Variants in MAPKBP1 observed in about 807,000 individuals in gnomAD.
MAPKBP1 encodes the protein mitogen-activated protein kinase-binding protein 1.
A neutral mutation model predicts 170.5 loss-of-function variants in MAPKBP1; 71 were observed. That is an observed-to-expected ratio of 0.42 (90% CI 0.34 to 0.51). MAPKBP1 has a LOEUF of 0.51. Ranked by LOEUF, MAPKBP1 falls within the 20% of genes least tolerant of loss-of-function variation. The pLI is 0.06. For synonymous variants in MAPKBP1, 719 were observed against 757.9 expected, an observed-to-expected ratio of 0.95 and a Z score of 0.84; for missense variants, 1,598 against 1,933.0, an observed-to-expected ratio of 0.83 and a Z score of 3.25.
intron 8 of MAPKBP1, 181 bp downstream of exon 8, chr15:41,813,282 C>T (rs1051048374): frequency 6.6e-7 from 1 of 1,525,018 alleles, no homozygotes; most frequent in African/African-American, 1.4e-5. Flanking sequence ...ATAACTGCCT[C>T]CTCTCTGCTC....
In MAPKBP1 at chr15:41,824,569, G is replaced by A; in HGVS notation, c.4299G>A (p.Ser1433=). ...GCCAGGCAGTGCGGCTCTACCACTC[G>A]GTGGGTGTTAGGTGCCCCCCGGCAG... ...SVRQAVRLYH[S]VAGCKMPSAE... The change falls in exon 30 of 31, where the codon TCG becomes TCA. Residue 1433 remains serine, a splice_region_variant and synonymous_variant. Transcript: ENST00000457542. The A allele has an allele frequency of 6.3e-7, 1 of 1,591,472 alleles. No homozygotes were observed. Among genetic ancestry groups the A allele is most frequent in the Non-Finnish European group, 8.5e-7 (1 of 1,171,094 alleles).
At chr15:41,824,671 C>A in intron 30 of MAPKBP1, 102 bp downstream of exon 30, 4 of 1,135,676 alleles carry the variant, frequency 3.5e-6, no homozygotes, top group Admixed American at 2.1e-5. Context: ...CTTGTGCTGA[C>A]AGGATGGCAC....
At chr15:41,777,936 T>C (rs2064124643) in intron 2 of MAPKBP1, among the ~76,000 whole-genome samples, 1 of 152,264 alleles carries the variant, frequency 6.6e-6, no homozygotes, top group Admixed American at 6.5e-5. Flanking sequence ...CTTTGAATTA[T>C]ACTGTTCTTT....
chr15:41,803,189 C>A (rs1265570641), intron 3 of MAPKBP1, among the ~76,000 whole-genome samples: 1 of 151,658 alleles, frequency 6.6e-6, no homozygotes, highest in Non-Finnish European at 1.5e-5. Flanking sequence ...GCAAGGTGGG[C>A]GGATCACCTG....
At position 41,822,037 on chromosome 15, in the gene MAPKBP1, G is replaced by A. The variant is rs375998277; in HGVS notation, c.2958G>A (p.Lys986=). ...RVYPGSRSSE[K]HSPDSACSVD... ...ACCCAGGCAGCAGGAGCTCAGAAAA[G>A]CACAGCCCTGACAGTGCCTGCTCTG... Residue 986 remains lysine (K), a synonymous_variant, in exon 25 of 31, where the codon AAG becomes AAA. Coordinates refer to ENST00000457542, the MANE Select transcript of MAPKBP1 (RefSeq NM_014994.3). 3.0e-5 allele frequency: 49 copies of A among 1,609,198 alleles called. No homozygotes were observed. Among genetic ancestry groups the A allele is most frequent in the Middle Eastern group, 3.3e-4 (2 of 6,050 alleles).
At chr15:41,796,086 CTG>C (rs1342856734) in intron 2 of MAPKBP1, among the ~76,000 whole-genome samples, 1 of 152,162 alleles carries the variant, frequency 6.6e-6, no homozygotes, top group African/African-American at 2.4e-5. Flanking sequence ...GGGGAACAAA[CTG>C]TGATTTGGAA....
In MAPKBP1 at chr15:41,823,678, C is replaced by T. The variant is rs769499700; in HGVS notation, c.3830C>T (p.Ser1277Leu). Residue 1277 changes from serine to leucine, a missense_variant, in exon 29 of 31, where the codon TCA becomes TTA. Ser to Leu is a moderately radical substitution (Grantham distance 145, BLOSUM62 -2). This residue lies in a region of MAPKBP1 where 942 missense variants were observed against 953.2 expected (regional missense o/e 0.99). Transcript: ENST00000457542. ...EPQAHAPIRV[S>L]PLSKLALPSR... ...CAAGCTCATGCCCCCATCCGAGTCT[C>T]ACCACTCAGCAAGCTGGCCCTGCCC... 22 of 1,614,072 alleles carry T rather than the reference C, an allele frequency of 1.4e-5. No homozygotes were observed. In the African/African-American group the frequency reaches 2.1e-4, roughly 16 times the overall value.
chr15:41,810,899 T>C lies in MAPKBP1; in HGVS notation c.223T>C (p.Phe75Leu). The C allele has an allele frequency of 6.2e-7, 1 of 1,614,162 alleles. No homozygotes were observed. The highest frequency in any genetic ancestry group is 8.5e-7 in the Non-Finnish European group (1 of 1,180,026). The part of the protein sequence containing the change: ...AYPAGCVVVL[F>L]NPRKHKQHHI... Reference sequence around the variant, plus strand: ...TCTCCTCAGGTGTGTGGTTGTGTTGTTCAATCCCCGGAAACACAAACAGCA... The same window carrying C: ...TCTCCTCAGGTGTGTGGTTGTGTTGCTCAATCCCCGGAAACACAAACAGCA... Residue 75 changes from phenylalanine (F) to leucine (L), a missense_variant, in exon 4 of 31, where the codon TTC becomes CTC. By Grantham distance (22) the Phe-to-Leu change is conservative (BLOSUM62 0). Coordinates refer to ENST00000457542, the MANE Select transcript of MAPKBP1 (RefSeq NM_014994.3).
intron 8 of MAPKBP1, 77 bp from the exon 9 acceptor site, chr15:41,813,544 G>T: frequency 6.4e-7 from 1 of 1,566,824 alleles, no homozygotes; most frequent in Non-Finnish European, 8.7e-7. Context: ...CTCTTGGCAG[G>T]TGGCTGTTGA....
intron 2 of MAPKBP1, among the ~76,000 whole-genome samples, chr15:41,792,871 C>T (rs1343429831): frequency 6.6e-6 from 1 of 152,144 alleles, no homozygotes; most frequent in East Asian, 1.9e-4. Context: ...TGTGGGCTTG[C>T]TTCCTCATGT....
chr15:41,819,556 G>GGGA (rs151281998), intron 21 of MAPKBP1, 39 bp from the exon 22 acceptor site: 1 of 1,347,676 alleles, frequency 7.4e-7, no homozygotes, highest in Admixed American at 2.0e-5. Flanking sequence ...GCGGGGGGGG[G>GGGA]GCAGGAGACA....
chr15:41,814,858 A>G, intron 10 of MAPKBP1, 119 bp downstream of exon 10: 1 of 1,273,590 alleles, frequency 7.9e-7, no homozygotes, highest in Non-Finnish European at 1.1e-6. Context: ...CTGTTTCTCC[A>G]GTGACTTCCC....
In MAPKBP1 at chr15:41,821,633, A is replaced by T. The variant is rs765487786; in HGVS notation, c.2768A>T (p.His923Leu). Residue 923 changes from histidine to leucine, a missense_variant, in exon 24 of 31, where the codon CAT becomes CTT. His to Leu is a moderately conservative substitution (Grantham distance 99, BLOSUM62 -3). Coordinates refer to ENST00000457542, the MANE Select transcript of MAPKBP1 (RefSeq NM_014994.3). ...GCTTCCCAACCTTGTTCCTATCCCCATATTATCCGATTATTGTCACAAGAG... is the reference window on the plus strand; with the variant it reads ...GCTTCCCAACCTTGTTCCTATCCCCTTATTATCCGATTATTGTCACAAGAG... ...PQASQPCSYP[H>L]IIRLLSQEEG... is the part of the protein sequence containing the mutation. 2 of 1,613,866 alleles carry T rather than the reference A, an allele frequency of 1.2e-6. No individual in the cohort carries two copies. Among genetic ancestry groups the T allele is most frequent in the Non-Finnish European group, 8.5e-7 (1 of 1,179,944 alleles).
chr15:41,786,808 A>G (rs1295037540), intron 2 of MAPKBP1, among the ~76,000 whole-genome samples: 4 of 133,286 alleles, frequency 3.0e-5, no homozygotes, highest in Admixed American at 3.0e-4. Flanking sequence ...ATATATAGGT[A>G]TAATAAGCTT....
intron 22 of MAPKBP1, among the ~76,000 whole-genome samples, chr15:41,819,858 C>G (rs532961844): frequency 6.6e-5 from 10 of 152,256 alleles, no homozygotes; most frequent in African/African-American, 2.4e-4. Flanking sequence ...GTATTTCCTT[C>G]CTGTGGACCA....
chr15:41,823,928 C>T lies in MAPKBP1; in HGVS notation c.4080C>T (p.Ser1360=). ...AGTGCCAGGCTCATCCTGGGCCCAGCAGCCCCTGTGCCCAGCAACTGCCAG... is the reference window on the plus strand; with the variant it reads ...AGTGCCAGGCTCATCCTGGGCCCAGTAGCCCCTGTGCCCAGCAACTGCCAG... ...RTECQAHPGP[S]SPCAQQLPVS... The change falls in exon 29 of 31, where the codon AGC becomes AGT. Residue 1360 remains serine (S), a synonymous_variant. Transcript: ENST00000457542. 1 of 1,614,122 alleles carries T rather than the reference C, an allele frequency of 6.2e-7. No homozygotes were observed. Among genetic ancestry groups the T allele is most frequent in the Non-Finnish European group, 8.5e-7 (1 of 1,180,020 alleles).
chr15:41,825,218 T>A lies in MAPKBP1; in HGVS notation c.4309T>A (p.Cys1437Ser). 1 of 1,581,618 alleles carries A rather than the reference T, an allele frequency of 6.3e-7. No individual in the cohort carries two copies. Among genetic ancestry groups the A allele is most frequent in the Non-Finnish European group, 8.6e-7 (1 of 1,156,644 alleles). ...AVRLYHSVAG[C>S]KMPSAEQSRI... Reference sequence around the variant, plus strand: ...GGGGGTGCTATTTCAGGTGGCTGGCTGCAAGATGCCCTCAGCAGAGCAAAG... The same window carrying A: ...GGGGGTGCTATTTCAGGTGGCTGGCAGCAAGATGCCCTCAGCAGAGCAAAG... Residue 1437 changes from cysteine to serine, a missense_variant, in exon 31 of 31, where the codon TGC becomes AGC. Coordinates refer to ENST00000457542, the MANE Select transcript of MAPKBP1 (RefSeq NM_014994.3).
In MAPKBP1 at chr15:41,823,831, T is replaced by A. The variant is rs540050093; in HGVS notation, c.3983T>A (p.Leu1328Gln). 1 of 1,614,006 alleles carries A rather than the reference T, an allele frequency of 6.2e-7. No individual in the cohort carries two copies. The highest frequency in any genetic ancestry group is 1.1e-5 in the South Asian group (1 of 91,068). ...GAAAAGCCTGGCTTCCCGGTGGGCCTAGGAAAAGCTCACAGTACAACTGAG... is the reference window on the plus strand; with the variant it reads ...GAAAAGCCTGGCTTCCCGGTGGGCCAAGGAAAAGCTCACAGTACAACTGAG... The part of the protein sequence containing the change: ...EAEKPGFPVG[L>Q]GKAHSTTERW... The change falls in exon 29 of 31, where the codon CTA (leucine) becomes CAA (glutamine). Residue 1328 changes from leucine to glutamine, a missense_variant. Around this residue, in one of 6 missense-constraint regions of MAPKBP1, gnomAD observed 942 missense variants for 953.2 expected, o/e 0.99. Transcript: ENST00000457542.
At chr15:41,804,245 T>C (rs1350572235) in intron 3 of MAPKBP1, among the ~76,000 whole-genome samples, 6 of 152,234 alleles carry the variant, frequency 3.9e-5, no homozygotes, top group Non-Finnish European at 8.8e-5. Context: ...CAAGGGAGAC[T>C]TCTGCCCCTG....
Sources: gnomAD v4.1 joint callset for allele counts (sites outside exome capture counted in the v4.1 genomes callset) on GRCh38, gnomAD v4.1.1 for gene constraint, gnomAD v4.1.1 regional missense constraint, MANE v1.5 for transcripts, NCBI Gene and HGNC (gene_info 2026-07-23, HGNC 2026-07-21) for gene names.